The following ZNF106 variants were observed in gnomAD, a reference collection of about 807,000 sequenced individuals.
ZNF106 encodes the protein SH3-domain binding protein 3.
A neutral mutation model predicts 195.1 loss-of-function variants in ZNF106; 67 were observed. That is an observed-to-expected ratio of 0.34 (90% CI 0.28 to 0.42). ZNF106 has a LOEUF of 0.42. Among genes scored for constraint, ZNF106 ranks in the 10% least tolerant of loss-of-function variants. The probability of loss-of-function intolerance (pLI) is 1.00; values close to 1 mark genes in which losing one functional copy is unlikely to be tolerated. For missense variants in ZNF106, 2,118 were observed against 2,304.5 expected, an observed-to-expected ratio of 0.92 and a Z score of 1.66; for synonymous variants, 784 against 818.6, an observed-to-expected ratio of 0.96 and a Z score of 0.72.
At chr15:42,443,122 A>G (rs1403640125) in intron 9 of ZNF106, among the ~76,000 whole-genome samples, 1 of 151,828 alleles carries the variant, frequency 6.6e-6, no homozygotes, top group African/African-American at 2.4e-5. Context: ...CCTGCCTCAG[A>G]CTCCCAAAGT....
intron 10 of ZNF106, among the ~76,000 whole-genome samples, chr15:42,440,429 T>G (rs1202774379): frequency 6.6e-6 from 1 of 152,208 alleles, no homozygotes; most frequent in Non-Finnish European, 1.5e-5. Flanking sequence ...ATGCAACTAT[T>G]CAAATATTAT....
chr15:42,467,897 C>A (rs945940013), intron 2 of ZNF106, among the ~76,000 whole-genome samples: 25 of 152,128 alleles, frequency 1.6e-4, no homozygotes, highest in African/African-American at 6.0e-4. Context: ...CAAACCCAGG[C>A]AGATCTGACA....
At chr15:42,485,091 G>C (rs2056982832) in intron 1 of ZNF106, among the ~76,000 whole-genome samples, 1 of 152,174 alleles carries the variant, frequency 6.6e-6, no homozygotes, top group Admixed American at 6.5e-5. Context: ...AGAGGTTGCA[G>C]TGAGCCAAGA....
intron 1 of ZNF106, chr15:42,490,462 C>T (rs748852921): frequency 4.6e-5 from 7 of 151,878 alleles, no homozygotes; most frequent in Non-Finnish European, 1.0e-4. Context: ...TTCCTCTCCA[C>T]AATTATACAC....
chr15:42,477,929 T>C (rs1595495692), intron 1 of ZNF106, among the ~76,000 whole-genome samples: 1 of 151,888 alleles, frequency 6.6e-6, no homozygotes, highest in South Asian at 2.1e-4. Flanking sequence ...AAACTTACAT[T>C]AGTGTGTTAC....
At chr15:42,452,050 G>C in intron 4 of ZNF106, 96 bp from the exon 5 acceptor site, 1 of 1,356,172 alleles carries the variant, frequency 7.4e-7, no homozygotes, top group Non-Finnish European at 1.0e-6. Flanking sequence ...CTTTCCTCCC[G>C]TTACTTAGAA....
At chr15:42,426,544 C>A (rs1372350893) in intron 15 of ZNF106, among the ~76,000 whole-genome samples, 1 of 147,772 alleles carries the variant, frequency 6.8e-6, no homozygotes, top group Admixed American at 6.8e-5. Flanking sequence ...GGACTCCAGG[C>A]GTGTGCTACC....
intron 2 of ZNF106, among the ~76,000 whole-genome samples, chr15:42,469,111 G>A (rs1391933029): frequency 2.0e-5 from 3 of 152,190 alleles, no homozygotes; most frequent in African/African-American, 7.2e-5. Flanking sequence ...CTTGAACCCA[G>A]GAGGTGGAGG....
In ZNF106 at chr15:42,444,820, C is replaced by G; in HGVS notation, c.3360+7G>C. 6.2e-7 allele frequency: 1 copy of G among 1,613,182 alleles called. No homozygotes were observed. The highest frequency in any genetic ancestry group is 8.5e-7 in the Non-Finnish European group (1 of 1,179,718). On this transcript the variant is annotated splice_region_variant and intron_variant, in intron 8 of 21. Transcript: ENST00000564754. ...CCATTTTTATTAAATCCTCCACATG[C>G]TGTTACCTGCTGCTTGAGCATAAGT... is the stretch of plus-strand genomic sequence containing the variant.
At chr15:42,419,814 G>A (rs895254158) in intron 20 of ZNF106, among the ~76,000 whole-genome samples, 9 of 152,136 alleles carry the variant, frequency 5.9e-5, no homozygotes, top group African/African-American at 2.2e-4. Context: ...GCCAGGTGTG[G>A]TGGCGGGCGC....
At position 42,450,446 on chromosome 15, in the gene ZNF106, A is replaced by G; in HGVS notation, c.1826T>C (p.Leu609Pro). Residue 609 changes from leucine (L) to proline (P), a missense_variant, in exon 5 of 22, where the codon CTA becomes CCA. Leu to Pro is a moderately conservative substitution (Grantham distance 98). Coordinates refer to ENST00000564754, the MANE Select transcript of ZNF106 (RefSeq NM_001366845.3). ...SLKIEFQVHA[L>P]EDESDGETSD... is the part of the protein sequence containing the mutation. ...TGTCTCTCCATCACTTTCATCTTCT[A>G]GTGCGTGCACTTGAAACTCAATTTT... 1 of 1,614,188 alleles carries G rather than the reference A, an allele frequency of 6.2e-7. No individual in the cohort carries two copies. Among genetic ancestry groups the G allele is most frequent in the Non-Finnish European group, 8.5e-7 (1 of 1,180,032 alleles).
chr15:42,485,980 A>C (rs2057005373), intron 1 of ZNF106, among the ~76,000 whole-genome samples: 1 of 140,596 alleles, frequency 7.1e-6, no homozygotes, highest in Admixed American at 7.3e-5. Context: ...TTTTTTTGAG[A>C]CGGAGTCTCG....
chr15:42,426,152 A>T (rs891234817), intron 15 of ZNF106, among the ~76,000 whole-genome samples: 1 of 152,166 alleles, frequency 6.6e-6, no homozygotes, highest in African/African-American at 2.4e-5. Flanking sequence ...CGGCCCTGGT[A>T]AACAGTCCTG....
chr15:42,476,082 G>A (rs2056780453), intron 1 of ZNF106, among the ~76,000 whole-genome samples: 1 of 151,904 alleles, frequency 6.6e-6, no homozygotes, highest in Non-Finnish European at 1.5e-5. Context: ...CCTCTTTTTA[G>A]TTATTTTTTC....
intron 3 of ZNF106, among the ~76,000 whole-genome samples, chr15:42,462,069 T>G (rs1456021134): frequency 1.3e-5 from 2 of 152,224 alleles, no homozygotes; most frequent in African/African-American, 4.8e-5. Context: ...AAGGCTATCC[T>G]CTAAAGAAAA....
At chr15:42,486,178 T>C (rs2057012086) in intron 1 of ZNF106, among the ~76,000 whole-genome samples, 1 of 151,950 alleles carries the variant, frequency 6.6e-6, no homozygotes, top group Non-Finnish European at 1.5e-5. Flanking sequence ...CCAGGATGGC[T>C]AGATCCCTTG....
In ZNF106 at chr15:42,448,189, G is replaced by A. The variant is rs139759448; in HGVS notation, c.3018C>T (p.Ser1006=). Residue 1006 remains serine (S), a synonymous_variant, in exon 6 of 22, where the codon AGC becomes AGT. Transcript: ENST00000564754. ...SNGEGNCLSS[S]ASSALAISSL... is the part of the protein sequence containing the mutation. ...TGGAGATCGCAAGGGCTGAGGATGCGCTTGATGACAGACAGTTTCCCTCTC... is the reference window on the plus strand; with the variant it reads ...TGGAGATCGCAAGGGCTGAGGATGCACTTGATGACAGACAGTTTCCCTCTC... 301 of 1,614,136 alleles carry A rather than the reference G, an allele frequency of 1.9e-4. 1 individual carries two copies. In the East Asian group the frequency reaches 6.2e-3, roughly 33 times the overall value.
chr15:42,438,794 T>G, intron 11 of ZNF106, 127 bp from the exon 12 acceptor site: 1 of 935,794 alleles, frequency 1.1e-6, no homozygotes, highest in Non-Finnish European at 1.6e-6. Flanking sequence ...AGAGATTAGA[T>G]TTTCCATCTG....
At position 42,415,518 on chromosome 15, in the gene ZNF106, G is replaced by A. The variant is rs1394303817; in HGVS notation, c.*1786C>T. 2.2e-6 allele frequency: 1 copy of A among 455,000 alleles called. No individual in the cohort carries two copies. The highest frequency in any genetic ancestry group is 4.4e-6 in the Non-Finnish European group (1 of 226,526). The allele number at this position is 455,000 out of a possible 1,614,324, so 28.2% of individuals were successfully genotyped here. A position where few individuals can be genotyped will look rare whatever the true frequency, so the allele number is the denominator to read the frequency against. ...ATACTCAGTCTCACACACAATTTCT[G>A]GGGGCTCACAGACCCTCTTGAAGCC... is the stretch of plus-strand genomic sequence containing the variant. On this transcript the variant is annotated 3_prime_UTR_variant, in exon 22 of 22. Coordinates refer to ENST00000564754, the MANE Select transcript of ZNF106 (RefSeq NM_001366845.3).
Sources: allele counts gnomAD v4.1 joint callset (sites outside exome capture counted in the v4.1 genomes callset), GRCh38; gene constraint gnomAD v4.1.1; transcripts MANE v1.5; gene names NCBI Gene and HGNC (gene_info 2026-07-23, HGNC 2026-07-21).